Variants in DNER observed in about 807,000 individuals in gnomAD.
DNER encodes delta/notch like EGF repeat containing, also known as delta and Notch-like epidermal growth factor-related receptor.
DNER carries 33 observed loss-of-function variants against 78.2 expected under a neutral mutation model. That is an observed-to-expected ratio of 0.42 (90% CI 0.32 to 0.56). The LOEUF is 0.56. DNER is among the 20% of genes least tolerant of loss of function. DNER has a pLI of 0.11. For synonymous variants in DNER, 417 were observed against 384.8 expected, an observed-to-expected ratio of 1.08 and a Z score of -0.98; for missense variants, 918 against 975.3, an observed-to-expected ratio of 0.94 and a Z score of 0.78.
At chr2:229,484,667 G>A (rs1449957429) in intron 6 of DNER, among the ~76,000 whole-genome samples, 1 of 152,116 alleles carries the variant, frequency 6.6e-6, no homozygotes, top group East Asian at 1.9e-4. Context: ...TACCTCTGAA[G>A]GTGTGACTGG....
At chr2:229,590,203 A>C (rs181179044) in intron 2 of DNER, among the ~76,000 whole-genome samples, 1 of 152,166 alleles carries the variant, frequency 6.6e-6, no homozygotes, top group South Asian at 2.1e-4. Flanking sequence ...CAACTCTTCT[A>C]CCCAGCAAAT....
chr2:229,657,098 C>T (rs921379655), intron 1 of DNER, among the ~76,000 whole-genome samples: 1 of 151,944 alleles, frequency 6.6e-6, no homozygotes, highest in African/African-American at 2.4e-5. Context: ...GTTGTACCTT[C>T]AATCCCAGAA....
chr2:229,630,137 C>T (rs1698408755), intron 1 of DNER, among the ~76,000 whole-genome samples: 2 of 151,946 alleles, frequency 1.3e-5, no homozygotes, highest in South Asian at 4.2e-4. Context: ...CATTCAACAC[C>T]AACTATAAAA....
chr2:229,707,923 C>T (rs1204559994), intron 1 of DNER, among the ~76,000 whole-genome samples: 1 of 152,210 alleles, frequency 6.6e-6, no homozygotes, highest in Non-Finnish European at 1.5e-5. Context: ...CTAGACACTT[C>T]TAAGCCATAG....
intron 8 of DNER, among the ~76,000 whole-genome samples, chr2:229,420,477 T>C (rs1242558079): frequency 1.3e-5 from 2 of 152,206 alleles, no homozygotes; most frequent in Admixed American, 6.5e-5. Flanking sequence ...TCGGATATCA[T>C]ATCCAAGAAG....
intron 10 of DNER, among the ~76,000 whole-genome samples, chr2:229,403,356 A>G (rs1253299105): frequency 6.6e-6 from 1 of 152,180 alleles, no homozygotes; most frequent in Non-Finnish European, 1.5e-5. Flanking sequence ...TGGTTCTATG[A>G]TCAAATAGAT....
chr2:229,685,987 T>C (rs1454535059), intron 1 of DNER, among the ~76,000 whole-genome samples: 2 of 149,310 alleles, frequency 1.3e-5, no homozygotes, highest in South Asian at 2.2e-4. Flanking sequence ...GAAGAGGGAG[T>C]TTTTCGTGAC....
intron 1 of DNER, among the ~76,000 whole-genome samples, chr2:229,600,522 T>C (rs537140763): frequency 1.3e-5 from 2 of 152,372 alleles, no homozygotes; most frequent in South Asian, 4.1e-4. Context: ...CTAATTGGAC[T>C]GGTGTGCAGC....
At chr2:229,525,762 G>A (rs942954114) in intron 5 of DNER, among the ~76,000 whole-genome samples, 1 of 152,082 alleles carries the variant, frequency 6.6e-6, no homozygotes, top group South Asian at 2.1e-4. Context: ...ACAGGCATGT[G>A]CCACCACGCC....
chr2:229,666,599 C>A (rs549460914), intron 1 of DNER, among the ~76,000 whole-genome samples: 6 of 152,272 alleles, frequency 3.9e-5, no homozygotes, highest in Admixed American at 6.5e-5. Flanking sequence ...TTCCTCAGCT[C>A]TGAACTCAAA....
At chr2:229,617,563 T>C (rs989519204) in intron 1 of DNER, among the ~76,000 whole-genome samples, 1 of 152,202 alleles carries the variant, frequency 6.6e-6, no homozygotes, top group Non-Finnish European at 1.5e-5. Context: ...AAAAAGTTTA[T>C]ATTTTTTGCT....
chr2:229,681,678 G>T (rs1008366769), intron 1 of DNER, among the ~76,000 whole-genome samples: 3 of 152,006 alleles, frequency 2.0e-5, no homozygotes, highest in Non-Finnish European at 4.4e-5. Flanking sequence ...CCGCTCAAGG[G>T]GGCACTCGAG....
At chr2:229,489,418 G>A (rs1461413644) in intron 6 of DNER, among the ~76,000 whole-genome samples, 1 of 152,094 alleles carries the variant, frequency 6.6e-6, no homozygotes, top group African/African-American at 2.4e-5. Flanking sequence ...AACTAGGGAT[G>A]CATGAGAAAG....
chr2:229,383,271 A>G (rs1007910116), intron 11 of DNER, among the ~76,000 whole-genome samples: 1 of 152,246 alleles, frequency 6.6e-6, no homozygotes, highest in African/African-American at 2.4e-5. Context: ...AGCACTAAAT[A>G]TGGAAAGGAA....
At chr2:229,580,390 C>T (rs984620976) in intron 4 of DNER, 1 of 151,974 alleles carries the variant, frequency 6.6e-6, no homozygotes, top group Non-Finnish European at 1.5e-5. Context: ...CATGAAATAC[C>T]AATGGTCTGG....
At chr2:229,402,528 A>G (rs12988149) in intron 10 of DNER, among the ~76,000 whole-genome samples, 2 of 152,212 alleles carry the variant, frequency 1.3e-5, no homozygotes, top group Non-Finnish European at 2.9e-5. Flanking sequence ...GAGTTAAAAG[A>G]CAGAGAGAAA....
intron 6 of DNER, among the ~76,000 whole-genome samples, chr2:229,479,524 C>T (rs981664366): frequency 6.6e-6 from 1 of 151,970 alleles, no homozygotes; most frequent in African/African-American, 2.4e-5. Flanking sequence ...ACCAGCCTGA[C>T]CAGCATGGCA....
chr2:229,585,890 T>C lies in DNER; in HGVS notation c.815A>G (p.Glu272Gly). The C allele has an allele frequency of 6.2e-7, 1 of 1,613,814 alleles. No homozygotes were observed. The highest frequency in any genetic ancestry group is 1.7e-5 in the Admixed American group (1 of 59,914). The change falls in exon 4 of 13, where the codon GAG becomes GGG. Residue 272 changes from glutamate (E) to glycine (G), a missense_variant. Glu to Gly is a moderately conservative substitution (Grantham distance 98). Coordinates refer to ENST00000341772, the MANE Select transcript of DNER (RefSeq NM_139072.4). ...GTGATTATTCCCCAAGGCGAGCATC[T>C]CCTCCAGGAGGACCAGTCCCCCTGA... ...QASGGLVLLE[E>G]MLALGNNHFI...
At position 229,591,178 on chromosome 2, in the gene DNER, T is replaced by C. The variant is rs956008844; in HGVS notation, c.585+402A>G. Among the ~76,000 whole-genome samples, 4 of 152,228 alleles carry C rather than the reference T, an allele frequency of 2.6e-5. No individual in the cohort carries two copies. The highest frequency in any genetic ancestry group is 5.9e-5 in the Non-Finnish European group (4 of 68,026). On this transcript the variant is annotated intron_variant, in intron 2 of 12. Transcript: ENST00000341772. This position sits in a 1 kb window ranked among gnomAD's most constrained non-coding sequence, Gnocchi z 4.6. ...CTCAAGAATGGACCAATACTGTGTG[T>C]TGGTTATAAGCAACCCAGTTTGTGG...
Sources: gnomAD v4.1 joint callset for allele counts (sites outside exome capture counted in the v4.1 genomes callset) on GRCh38, gnomAD v4.1.1 for gene constraint, Gnocchi (gnomAD v3.1) non-coding constraint, MANE v1.5 for transcripts, NCBI Gene and HGNC (gene_info 2026-07-23, HGNC 2026-07-21) for gene names.